Variants in RNF13 observed in about 807,000 individuals in gnomAD.
RNF13 encodes the protein E3 ubiquitin-protein ligase RNF13.
In RNF13, 19 loss-of-function variants were observed where a neutral mutation model predicts 37.7. The ratio of observed to expected loss-of-function variants is 0.50; its 90% CI spans 0.35 to 0.74. The LOEUF (loss-of-function observed/expected upper bound fraction) is 0.74, where lower values mean the gene tolerates loss of function less well. Among genes scored for constraint, RNF13 ranks in the 30% least tolerant of loss-of-function variants. RNF13 has a pLI of 0.01. For missense variants in RNF13, 375 were observed against 453.0 expected, an observed-to-expected ratio of 0.83 and a Z score of 1.56; for synonymous variants, 144 against 157.8, an observed-to-expected ratio of 0.91 and a Z score of 0.65.
intron 7 of RNF13, among the ~76,000 whole-genome samples, chr3:149,912,703 T>G (rs1026888018): frequency 6.6e-6 from 1 of 152,108 alleles, no homozygotes; most frequent in South Asian, 2.1e-4. Flanking sequence ...TTTTTTATAT[T>G]AAAGTATGAA....
chr3:149,827,283 C>T (rs1032893077), intron 1 of RNF13, among the ~76,000 whole-genome samples: 4 of 152,042 alleles, frequency 2.6e-5, no homozygotes, highest in Admixed American at 6.5e-5. Context: ...GAAGGAGGTG[C>T]GTAGGTTATA....
intron 3 of RNF13, among the ~76,000 whole-genome samples, chr3:149,862,669 A>G (rs1348566810): frequency 1.3e-5 from 2 of 151,902 alleles, no homozygotes; most frequent in African/African-American, 4.8e-5. Flanking sequence ...TTATTTTTTC[A>G]TTCATTTGCT....
chr3:149,895,998 C>T (rs1239602462), intron 5 of RNF13, among the ~76,000 whole-genome samples: 10 of 152,162 alleles, frequency 6.6e-5, no homozygotes, highest in Admixed American at 6.5e-4. Flanking sequence ...CTTCGTCATA[C>T]ATTGGTATGT....
At chr3:149,914,938 CAA>C (rs917486559) in intron 7 of RNF13, among the ~76,000 whole-genome samples, 2 of 131,990 alleles carry the variant, frequency 1.5e-5, no homozygotes, top group Non-Finnish European at 1.6e-5. Flanking sequence ...AACTCCATCT[CAA>C]AAAAAAAAAA....
intron 7 of RNF13, among the ~76,000 whole-genome samples, chr3:149,914,157 C>T (rs1465030734): frequency 6.6e-6 from 1 of 152,020 alleles, no homozygotes; most frequent in East Asian, 1.9e-4. Flanking sequence ...CATGCTGGAT[C>T]TTGTGTTCCT....
intron 4 of RNF13, among the ~76,000 whole-genome samples, chr3:149,892,043 C>A (rs888773725): frequency 6.6e-6 from 1 of 152,016 alleles, no homozygotes. Context: ...TTTTAAAAAT[C>A]GATAAAAACA....
At chr3:149,886,536 T>C (rs1714051909) in intron 4 of RNF13, among the ~76,000 whole-genome samples, 1 of 152,200 alleles carries the variant, frequency 6.6e-6, no homozygotes, top group Admixed American at 6.5e-5. Flanking sequence ...GATCGAGATA[T>C]CATTTGCACA....
intron 7 of RNF13, among the ~76,000 whole-genome samples, chr3:149,918,482 C>A (rs1291869109): frequency 2.6e-5 from 4 of 152,000 alleles, no homozygotes; most frequent in African/African-American, 9.7e-5. Flanking sequence ...GATATTCTAG[C>A]TTTTCTTTTG....
chr3:149,896,892 C>A (rs1715328195), intron 5 of RNF13, among the ~76,000 whole-genome samples: 1 of 151,928 alleles, frequency 6.6e-6, no homozygotes, highest in South Asian at 2.1e-4. Context: ...TTTTAACCTC[C>A]TAGCTAATTA....
intron 3 of RNF13, among the ~76,000 whole-genome samples, chr3:149,866,365 G>A (rs1724821451): frequency 6.6e-6 from 1 of 152,234 alleles, no homozygotes; most frequent in Non-Finnish European, 1.5e-5. Context: ...GACCATATGG[G>A]TAACTTCCTG....
chr3:149,835,663 G>T (rs960146640), intron 1 of RNF13, among the ~76,000 whole-genome samples: 5 of 150,638 alleles, frequency 3.3e-5, no homozygotes, highest in Admixed American at 2.0e-4. Context: ...GTGTGTGTGT[G>T]TGTTTGTGTG....
intron 8 of RNF13, among the ~76,000 whole-genome samples, chr3:149,933,721 C>T (rs1719404234): frequency 6.6e-6 from 1 of 151,336 alleles, no homozygotes; most frequent in Non-Finnish European, 1.5e-5. Flanking sequence ...GTAGCTGGGA[C>T]TATAGGTACC....
rs146104528 is a variant in RNF13 at position 149,896,259 on chromosome 3, G to A, written c.409+699G>A. Among the ~76,000 whole-genome samples, 5 of 152,196 alleles carry A rather than the reference G, an allele frequency of 3.3e-5. No individual in the cohort carries two copies. In the East Asian group the frequency reaches 9.7e-4, roughly 29 times the overall value. On this transcript the variant is annotated intron_variant, in intron 5 of 9. Coordinates refer to ENST00000392894, the MANE Select transcript of RNF13 (RefSeq NM_183381.3). The stretch of plus-strand genomic sequence containing the variant: ...TAGAATTTATTTTATTCTTTTGAGT[G>A]CATAACCATAATATATTTTGTTATT...
At chr3:149,918,288 T>C (rs1468297871) in intron 7 of RNF13, among the ~76,000 whole-genome samples, 1 of 152,196 alleles carries the variant, frequency 6.6e-6, no homozygotes, top group Non-Finnish European at 1.5e-5. Context: ...TAGTCACATG[T>C]ACTTGGTGGC....
intron 8 of RNF13, among the ~76,000 whole-genome samples, chr3:149,953,114 A>AT (rs57868274): frequency 0.033 from 4,865 of 147,968 alleles, 263 homozygotes; most frequent in African/African-American, 0.11. Flanking sequence ...GAAAAGTTGG[A>AT]TTTTTTTTTT....
intron 8 of RNF13, among the ~76,000 whole-genome samples, chr3:149,930,950 T>C (rs1281283018): frequency 6.6e-6 from 1 of 152,200 alleles, no homozygotes; most frequent in African/African-American, 2.4e-5. Flanking sequence ...GTCTTTTGTC[T>C]CTTTTTCTTG....
chr3:149,829,635 T>C (rs1345240451), intron 1 of RNF13, among the ~76,000 whole-genome samples: 1 of 152,238 alleles, frequency 6.6e-6, no homozygotes, highest in African/African-American at 2.4e-5. Flanking sequence ...CATCTTATTT[T>C]TGCTTAAAAA....
intron 3 of RNF13, among the ~76,000 whole-genome samples, chr3:149,861,497 T>G (rs1428986684): frequency 6.6e-6 from 1 of 152,132 alleles, no homozygotes; most frequent in Admixed American, 6.5e-5. Flanking sequence ...AATTAGAGAT[T>G]ATTATGTCAA....
chr3:149,815,690 T>C (rs931550052), intron 1 of RNF13, among the ~76,000 whole-genome samples: 18 of 152,234 alleles, frequency 1.2e-4, no homozygotes, highest in Non-Finnish European at 5.9e-5. Context: ...TATTAAACTT[T>C]TATGAATCTT....
Sources: allele counts gnomAD v4.1 joint callset (sites outside exome capture counted in the v4.1 genomes callset), GRCh38; gene constraint gnomAD v4.1.1; transcripts MANE v1.5; gene names NCBI Gene and HGNC (gene_info 2026-07-23, HGNC 2026-07-21).